Variants in KALRN observed in about 807,000 individuals in gnomAD.
KALRN encodes the protein kalirin.
In KALRN, 70 loss-of-function variants were observed where a neutral mutation model predicts 353.7. That is an observed-to-expected ratio of 0.20 (90% CI 0.16 to 0.24). The LOEUF (loss-of-function observed/expected upper bound fraction) is 0.24, where lower values mean the gene tolerates loss of function less well. Among genes scored for constraint, KALRN ranks in the 10% least tolerant of loss-of-function variants. KALRN has a pLI of 1.00. For synonymous variants in KALRN, 1,391 were observed against 1,434.8 expected (o/e 0.97, Z 0.69); for missense variants, 2,791 against 3,756.7 (o/e 0.74, Z 6.72).
At chr3:124,294,936 AC>A (rs1560487625) in intron 5 of KALRN, among the ~76,000 whole-genome samples, 1 of 152,204 alleles carries the variant, frequency 6.6e-6, no homozygotes, top group African/African-American at 2.4e-5. Context: ...AAATGAAGTG[AC>A]TTTTCCACAG....
At chr3:124,195,947 A>G (rs1424350074) in intron 1 of KALRN, among the ~76,000 whole-genome samples, 2 of 152,200 alleles carry the variant, frequency 1.3e-5, no homozygotes, top group African/African-American at 4.8e-5. Context: ...GAAAGGGGGA[A>G]CACCAGGGAT....
rs1188042863 is a variant in KALRN at position 124,434,406 on chromosome 3, G to A, written c.2929G>A (p.Asp977Asn). The A allele has an allele frequency of 3.7e-6, 6 of 1,614,176 alleles. No individual in the cohort carries two copies. Among genetic ancestry groups the A allele is most frequent in the Middle Eastern group, 3.3e-4 (2 of 6,052 alleles). The change falls in exon 17 of 60, where the codon GAT becomes AAT. Residue 977 changes from aspartate to asparagine, a missense_variant. Around this residue, in one of 11 missense-constraint regions of KALRN, gnomAD observed 452 missense variants for 575.8 expected, o/e 0.78. Coordinates refer to ENST00000682506, the MANE Select transcript of KALRN (RefSeq NM_001388419.1). ...GCTCCAGGCCGGCCACTACGATGCC[G>A]ATGCCATCCGGGAATGTGCTGAGAA... is the stretch of plus-strand genomic sequence containing the variant. Reference protein sequence around the residue: ...VLLQAGHYDADAIRECAEKVA... With the variant: ...VLLQAGHYDANAIRECAEKVA...
chr3:124,247,545 T>A (rs976675071), intron 3 of KALRN, among the ~76,000 whole-genome samples: 2 of 152,126 alleles, frequency 1.3e-5, no homozygotes, highest in African/African-American at 4.8e-5. Context: ...AAATCAAATT[T>A]AAAAAAACTA....
intron 1 of KALRN, among the ~76,000 whole-genome samples, chr3:124,124,145 A>G (rs977102148): frequency 2.0e-5 from 3 of 152,238 alleles, no homozygotes; most frequent in Admixed American, 6.5e-5. Flanking sequence ...AGAAGGATTC[A>G]TCATTGTAGA....
Position 124,249,868 on chromosome 3 carries a change from G to A in KALRN, c.264-14630G>A, listed in dbSNP as rs960686493. 5.3e-5 allele frequency among the ~76,000 whole-genome samples: 8 copies of A among 152,234 alleles called. No homozygotes were observed. In the South Asian group the frequency reaches 1.5e-3, roughly 28 times the overall value. Reference sequence around the variant, plus strand: ...TCTTTGACCTCCCTTGTAATTCCCAGGTTCCCACTAGTGTCTGAGCCATCA... The same window carrying A: ...TCTTTGACCTCCCTTGTAATTCCCAAGTTCCCACTAGTGTCTGAGCCATCA... On this transcript the variant is annotated intron_variant, in intron 3 of 59. Transcript: ENST00000682506.
chr3:124,540,596 T>G (rs1415461095), intron 33 of KALRN, among the ~76,000 whole-genome samples: 1 of 152,208 alleles, frequency 6.6e-6, no homozygotes, highest in Non-Finnish European at 1.5e-5. Flanking sequence ...AGTCCAACCC[T>G]TTTGTTTTAC....
chr3:124,561,677 C>G (rs1278901582), intron 33 of KALRN, among the ~76,000 whole-genome samples: 1 of 152,150 alleles, frequency 6.6e-6, no homozygotes, highest in Non-Finnish European at 1.5e-5. Flanking sequence ...AGGCTTAAAT[C>G]AGAGATGCAC....
chr3:124,645,740 T>C (rs2150036363), intron 37 of KALRN, among the ~76,000 whole-genome samples: 1 of 152,172 alleles, frequency 6.6e-6, no homozygotes. Context: ...TAGCATACTA[T>C]TGTAAATAAT....
chr3:124,188,322 A>G (rs1318956293), intron 1 of KALRN, among the ~76,000 whole-genome samples: 1 of 152,198 alleles, frequency 6.6e-6, no homozygotes, highest in African/African-American at 2.4e-5. Flanking sequence ...GGATTAGAGG[A>G]TGTGAACATT....
rs371412234 is a variant in KALRN at position 124,430,791 on chromosome 3, G to A, written c.2829+16G>A. On this transcript the variant is annotated intron_variant, in intron 16 of 59. Coordinates refer to ENST00000682506, the MANE Select transcript of KALRN (RefSeq NM_001388419.1). ...GGCCATCGAGGTAACACCCAAATCT[G>A]GCTGCACTGTCCTCCCTTCGCCTTT... 23 of 1,612,510 alleles carry A rather than the reference G, an allele frequency of 1.4e-5. No homozygotes were observed. The African/African-American group carries it at 2.9e-4, about 21-fold the overall frequency.
At chr3:124,324,753 G>A (rs577418302) in intron 6 of KALRN, among the ~76,000 whole-genome samples, 6 of 152,228 alleles carry the variant, frequency 3.9e-5, no homozygotes, top group South Asian at 4.1e-4. Context: ...AGACGAATGC[G>A]GACCATGAGG....
intron 1 of KALRN, among the ~76,000 whole-genome samples, chr3:124,194,633 T>C (rs933103563): frequency 3.3e-5 from 5 of 152,198 alleles, no homozygotes; most frequent in African/African-American, 1.2e-4. Context: ...ATTTTCATGT[T>C]ACTGAAAGCA....
chr3:124,658,356 C>A, intron 41 of KALRN, 75 bp from the exon 42 acceptor site: 1 of 1,120,036 alleles, frequency 8.9e-7, no homozygotes, highest in Non-Finnish European at 1.4e-6. Context: ...CACGTGGAGG[C>A]CAGCACGGCA....
At chr3:124,132,660 A>T (rs1308923349) in intron 1 of KALRN, among the ~76,000 whole-genome samples, 1 of 152,160 alleles carries the variant, frequency 6.6e-6, no homozygotes, top group Non-Finnish European at 1.5e-5. Flanking sequence ...TCTGGGAAGG[A>T]ACCAGGGCCT....
At chr3:124,490,589 G>A in intron 29 of KALRN, 105 bp from the exon 30 acceptor site, 1 of 1,007,044 alleles carries the variant, frequency 9.9e-7, no homozygotes, top group African/African-American at 1.6e-5. Context: ...TTCAGTAACT[G>A]AAGACTAACA....
intron 1 of KALRN, among the ~76,000 whole-genome samples, chr3:124,114,942 T>C (rs1361167226): frequency 6.6e-6 from 1 of 152,222 alleles, no homozygotes; most frequent in East Asian, 1.9e-4. Flanking sequence ...GTGCAGGCAC[T>C]ATTATGAGTG....
intron 11 of KALRN, among the ~76,000 whole-genome samples, chr3:124,394,170 C>G (rs1367703779): frequency 6.6e-6 from 1 of 152,206 alleles, no homozygotes; most frequent in Admixed American, 6.5e-5. Flanking sequence ...ACGGGAGGAA[C>G]AGAAGCCAAA....
At chr3:124,700,154 CT>C (rs1179786456) in intron 56 of KALRN, 121 bp downstream of exon 56, 1 of 902,582 alleles carries the variant, frequency 1.1e-6, no homozygotes. Flanking sequence ...TTTTAGAGGA[CT>C]AAGAAGAATG....
intron 34 of KALRN, among the ~76,000 whole-genome samples, chr3:124,630,777 T>C (rs2080682594): frequency 6.6e-6 from 1 of 152,208 alleles, no homozygotes; most frequent in South Asian, 2.1e-4. Flanking sequence ...CATATACGAT[T>C]GAAAATAGTC....
Sources: allele counts gnomAD v4.1 joint callset (sites outside exome capture counted in the v4.1 genomes callset), GRCh38; gene constraint gnomAD v4.1.1; regional missense constraint gnomAD v4.1.1; transcripts MANE v1.5; gene names NCBI Gene and HGNC (gene_info 2026-07-23, HGNC 2026-07-21).